SLC25A26: variants seen among roughly 807,000 people sequenced by gnomAD.
The protein encoded by SLC25A26 is solute carrier family 25 member 26, also known as mitochondrial S-adenosylmethionine carrier protein.
A neutral mutation model predicts 37.8 loss-of-function variants in SLC25A26; 36 were observed. The observed-to-expected ratio is 0.95, with a 90% CI of 0.73 to 1.26. SLC25A26 has a LOEUF of 1.26. Ranked by LOEUF, SLC25A26 falls within the 50% of genes most tolerant of loss-of-function variation. The probability of loss-of-function intolerance (pLI) is 0.00; values close to 1 mark genes in which losing one functional copy is unlikely to be tolerated. For missense variants in SLC25A26, 390 were observed against 331.1 expected, an observed-to-expected ratio of 1.18 and a Z score of -1.38; for synonymous variants, 129 against 122.5, an observed-to-expected ratio of 1.05 and a Z score of -0.35.
intron 5 of SLC25A26, among the ~76,000 whole-genome samples, chr3:66,266,352 A>G (rs982867529): frequency 6.6e-6 from 1 of 152,222 alleles, no homozygotes; most frequent in Non-Finnish European, 1.5e-5. Flanking sequence ...TCTGGCACCA[A>G]TATAAAATCT....
rs1576695346 is a variant in SLC25A26, at chr3:66,243,210, A to G, written c.198A>G (p.Ala66=). 3 of 1,583,578 alleles carry G rather than the reference A, an allele frequency of 1.9e-6. No homozygotes were observed. Among genetic ancestry groups the G allele is most frequent in the Admixed American group, 1.7e-5 (1 of 58,516 alleles). ...GCTTGTTTTAAATTTCAGCTGCTGC[A>G]TTTTTTATCACCTATGAATATGTGA... is the stretch of plus-strand genomic sequence containing the variant. ...AAIGSFPNAA[A]FFITYEYVKW... The change falls in exon 3 of 10, where the codon GCA becomes GCG. Residue 66 remains alanine, a synonymous_variant. Coordinates refer to ENST00000354883, the MANE Select transcript of SLC25A26 (RefSeq NM_001379210.1).
rs574289202 is a variant in SLC25A26 at position 66,350,700 on chromosome 3, G to T, written c.498+4292G>T. ...AGCTTCTGCCCTATACTCTGTGTGT[G>T]TGTGTGTGTGTGTGAGCGCGCGCGT... is the stretch of plus-strand genomic sequence containing the variant. On this transcript the variant is annotated intron_variant, in intron 6 of 9. Transcript: ENST00000354883. Among the ~76,000 whole-genome samples, 110 of 131,472 alleles carry T rather than the reference G, an allele frequency of 8.4e-4. 1 individual carries two copies. The South Asian group carries it at 0.029, about 34-fold the overall frequency. The allele number at this position is 131,472 out of a possible 152,430, so 86.3% of individuals were successfully genotyped here.
intron 1 of SLC25A26, among the ~76,000 whole-genome samples, chr3:66,199,786 G>A (rs2071086778): frequency 6.6e-6 from 1 of 151,880 alleles, no homozygotes; most frequent in Non-Finnish European, 1.5e-5. Context: ...CCCTCATCAT[G>A]ACCCTGAGTT....
At chr3:66,204,430 AAAAAAAAAAG>A (rs1483480679) in intron 1 of SLC25A26, among the ~76,000 whole-genome samples, 55 of 120,094 alleles carry the variant, frequency 4.6e-4, no homozygotes, top group South Asian at 2.3e-3. Flanking sequence ...CGTCTCAAAA[AAAAAAAAAAG>A]AAAAAAAGAA....
At chr3:66,377,642 C>T (rs776199404) in intron 9 of SLC25A26, 48 bp from the exon 10 acceptor site, 8 of 1,487,802 alleles carry the variant, frequency 5.4e-6, no homozygotes, top group South Asian at 2.3e-5. Flanking sequence ...GGAATTTAAC[C>T]TTTTTTTAAA....
At chr3:66,277,581 A>G (rs959364699) in intron 5 of SLC25A26, among the ~76,000 whole-genome samples, 1 of 152,142 alleles carries the variant, frequency 6.6e-6, no homozygotes, top group Non-Finnish European at 1.5e-5. Context: ...TGTGTATCAA[A>G]TCATCACATT....
intron 7 of SLC25A26, 124 bp from the exon 8 acceptor site, chr3:66,369,354 C>A: frequency 1.3e-6 from 1 of 754,110 alleles, no homozygotes; most frequent in Non-Finnish European, 2.3e-6. Flanking sequence ...TGTGTGCATC[C>A]TGTTCTTCAA....
intron 2 of SLC25A26, 60 bp downstream of exon 2, chr3:66,236,760 G>A (rs1431443623): frequency 7.5e-7 from 1 of 1,341,900 alleles, no homozygotes; most frequent in East Asian, 2.6e-5. Flanking sequence ...TCAGAATGGT[G>A]TGTGGTCTTA....
chr3:66,333,124 A>G (rs1031685459), intron 5 of SLC25A26, among the ~76,000 whole-genome samples: 1 of 152,164 alleles, frequency 6.6e-6, no homozygotes, highest in South Asian at 2.1e-4. Context: ...ATTTTCTTAC[A>G]GAGTCAGGAA....
Position 66,301,296 on chromosome 3 carries a change from A to G in SLC25A26, c.453+37917A>G, listed in dbSNP as rs1357234957. On this transcript the variant is annotated intron_variant, in intron 5 of 9. Transcript: ENST00000354883. ...CTTTGAAGTGTAATTTTGCTTGCCA[A>G]GTTGTTACAGATTTTTATACAGACT... is the stretch of plus-strand genomic sequence containing the variant. 2.6e-5 allele frequency among the ~76,000 whole-genome samples: 4 copies of G among 152,232 alleles called. No individual in the cohort carries two copies. In the East Asian group the frequency reaches 7.7e-4, roughly 29 times the overall value.
intron 1 of SLC25A26, among the ~76,000 whole-genome samples, chr3:66,164,030 C>G (rs555075368): frequency 6.6e-6 from 1 of 152,210 alleles, no homozygotes; most frequent in African/African-American, 2.4e-5. Flanking sequence ...CCCAAAATGT[C>G]AATAGTGTTG....
At chr3:66,207,923 A>G (rs2071201895) in intron 1 of SLC25A26, among the ~76,000 whole-genome samples, 1 of 152,222 alleles carries the variant, frequency 6.6e-6, no homozygotes, top group Non-Finnish European at 1.5e-5. Flanking sequence ...AGATAGAGGT[A>G]GCATTCTTGT....
intron 1 of SLC25A26, among the ~76,000 whole-genome samples, chr3:66,154,275 G>T (rs191476753): frequency 4.7e-4 from 72 of 152,246 alleles, no homozygotes; most frequent in African/African-American, 1.6e-3. Context: ...CTTCAGCAGA[G>T]GGAGCTGATT....
intron 1 of SLC25A26, among the ~76,000 whole-genome samples, chr3:66,210,014 G>T (rs2071263567): frequency 7.3e-6 from 1 of 137,202 alleles, no homozygotes; most frequent in Non-Finnish European, 1.6e-5. Flanking sequence ...CCTAGCATAG[G>T]CTTTTAGGAG....
chr3:66,154,560 G>C (rs1315410568), intron 1 of SLC25A26, among the ~76,000 whole-genome samples: 2 of 92,112 alleles, frequency 2.2e-5, no homozygotes, highest in Non-Finnish European at 4.3e-5. Flanking sequence ...TTTTTTTTTG[G>C]TGACAGTCTT....
intron 5 of SLC25A26, among the ~76,000 whole-genome samples, chr3:66,285,533 C>T (rs1211053077): frequency 3.7e-5 from 2 of 53,412 alleles, no homozygotes; most frequent in Non-Finnish European, 6.8e-5. Flanking sequence ...AGTCATGGCT[C>T]ACTGCAACCT....
intron 1 of SLC25A26, among the ~76,000 whole-genome samples, chr3:66,160,609 T>C (rs1391615378): frequency 2.0e-5 from 3 of 152,230 alleles, no homozygotes; most frequent in Non-Finnish European, 4.4e-5. Flanking sequence ...TTAATTGACA[T>C]ATTGGCTTAA....
At chr3:66,299,666 G>A (rs1173126058) in intron 5 of SLC25A26, among the ~76,000 whole-genome samples, 2 of 152,098 alleles carry the variant, frequency 1.3e-5, no homozygotes, top group Non-Finnish European at 2.9e-5. Context: ...GTGTGCATGA[G>A]GTGTGTGTTT....
chr3:66,165,141 G>A (rs1249864676), intron 1 of SLC25A26, among the ~76,000 whole-genome samples: 2 of 152,180 alleles, frequency 1.3e-5, no homozygotes, highest in Non-Finnish European at 2.9e-5. Flanking sequence ...TGACACTTAA[G>A]TGGCCTCTCC....
Sources: allele counts gnomAD v4.1 joint callset (sites outside exome capture counted in the v4.1 genomes callset), GRCh38; gene constraint gnomAD v4.1.1; transcripts MANE v1.5; gene names NCBI Gene and HGNC (gene_info 2026-07-23, HGNC 2026-07-21).